The following VTA1 variants were observed in gnomAD, a reference collection of about 807,000 sequenced individuals.
VTA1 encodes the protein vesicle trafficking 1, also known as vacuolar protein sorting-associated protein VTA1 homolog.
In VTA1, 24 loss-of-function variants were observed where a neutral mutation model predicts 36.9. The ratio of observed to expected loss-of-function variants is 0.65; its 90% confidence interval spans 0.47 to 0.91. The LOEUF (loss-of-function observed/expected upper bound fraction) is 0.91, where lower values mean the gene tolerates loss of function less well. Ranked by LOEUF, VTA1 falls within the 40% of genes least tolerant of loss-of-function variation. The probability of loss-of-function intolerance (pLI) is 0.00; values close to 1 mark genes in which losing one functional copy is unlikely to be tolerated. For synonymous variants in VTA1, 142 were observed against 130.2 expected, an observed-to-expected ratio of 1.09 and a Z score of -0.62; for missense variants, 393 against 377.2, an observed-to-expected ratio of 1.04 and a Z score of -0.35.
rs148088789 is a variant in VTA1 at position 142,204,560 on chromosome 6, C to G, written c.778+495C>G. Among the ~76,000 whole-genome samples, 1,126 of 152,174 alleles carry G rather than the reference C, an allele frequency of 7.4e-3. 14 individuals are homozygous for G. Among genetic ancestry groups the G allele is most frequent in the African/African-American group, 0.026 (1,072 of 41,518 alleles). ...AATCTTTACTACTTTTCTGATTTCT[C>G]TGTTTTTTTAGCCCAAATCAGGCAT... is the stretch of plus-strand genomic sequence containing the variant. On this transcript the variant is annotated intron_variant, in intron 7 of 7. Coordinates refer to ENST00000367630, the MANE Select transcript of VTA1 (RefSeq NM_016485.5).
At chr6:142,198,156 TG>T in intron 5 of VTA1, among the ~76,000 whole-genome samples, 1 of 143,824 alleles carries the variant, frequency 7.0e-6, no homozygotes, top group African/African-American at 2.5e-5. Flanking sequence ...TGTGTGTGTG[TG>T]TGTGTGTATA....
intron 5 of VTA1, among the ~76,000 whole-genome samples, chr6:142,190,436 G>GT (rs985306768): frequency 2.7e-4 from 40 of 150,534 alleles, no homozygotes; most frequent in South Asian, 6.3e-4. Context: ...ACCTGGCTAT[G>GT]TTTTTTTTTA....
At chr6:142,172,962 T>C (rs1260106293) in intron 4 of VTA1, among the ~76,000 whole-genome samples, 1 of 149,558 alleles carries the variant, frequency 6.7e-6, no homozygotes, top group Non-Finnish European at 1.5e-5. Context: ...TACAAAACCA[T>C]TTGACAAAAA....
intron 5 of VTA1, among the ~76,000 whole-genome samples, chr6:142,198,161 GTGTATA>G (rs1562266880): frequency 8.8e-5 from 7 of 79,638 alleles, no homozygotes; most frequent in East Asian, 2.4e-4. Flanking sequence ...GTGTGTGTGT[GTGTATA>G]TGTGTGTACA....
intron 1 of VTA1, among the ~76,000 whole-genome samples, chr6:142,147,852 C>G (rs921787271): frequency 6.6e-6 from 1 of 152,184 alleles, no homozygotes; most frequent in Admixed American, 6.5e-5. Context: ...CAAGCCCAAT[C>G]AGAAACTCAT....
chr6:142,150,927 A>T (rs529574830), intron 1 of VTA1, among the ~76,000 whole-genome samples: 23 of 151,986 alleles, frequency 1.5e-4, no homozygotes, highest in Non-Finnish European at 2.6e-4. Context: ...AAAAAAAAAA[A>T]AGCTAAGCAT....
chr6:142,217,247 G>A (rs989779561), intron 7 of VTA1, among the ~76,000 whole-genome samples: 1 of 152,102 alleles, frequency 6.6e-6, no homozygotes, highest in Non-Finnish European at 1.5e-5. Context: ...ACACTAGTAA[G>A]TATATGTGTA....
rs572148441 is a variant in VTA1, at chr6:142,210,537, G to A, written c.778+6472G>A. Among the ~76,000 whole-genome samples the A allele has an allele frequency of 8.4e-4, 128 of 152,260 alleles. 3 individuals carry two copies. The South Asian group carries it at 0.027, about 32-fold the overall frequency. On this transcript the variant is annotated intron_variant, in intron 7 of 7. Coordinates refer to ENST00000367630, the MANE Select transcript of VTA1 (RefSeq NM_016485.5). ...TATTTGCAATCCATCTATCTGACAAGGGATTAATAACCAGAATATATAAGG... is the reference window on the plus strand; with the variant it reads ...TATTTGCAATCCATCTATCTGACAAAGGATTAATAACCAGAATATATAAGG...
intron 1 of VTA1, among the ~76,000 whole-genome samples, chr6:142,157,416 G>A (rs1212990110): frequency 6.6e-6 from 1 of 152,066 alleles, no homozygotes; most frequent in Admixed American, 6.6e-5. Flanking sequence ...CAGAATGTTG[G>A]ACTACTGATT....
At chr6:142,152,514 T>C (rs1204087667) in intron 1 of VTA1, among the ~76,000 whole-genome samples, 1 of 152,114 alleles carries the variant, frequency 6.6e-6, no homozygotes, top group Non-Finnish European at 1.5e-5. Flanking sequence ...ACCCCAATAG[T>C]CTACTCTTCC....
At chr6:142,158,590 A>G (rs921078454) in intron 1 of VTA1, among the ~76,000 whole-genome samples, 7 of 152,298 alleles carry the variant, frequency 4.6e-5, no homozygotes, top group Non-Finnish European at 5.9e-5. Context: ...CATTATAACA[A>G]CCTCTACCTT....
At chr6:142,215,943 C>T (rs1369557938) in intron 7 of VTA1, among the ~76,000 whole-genome samples, 1 of 152,064 alleles carries the variant, frequency 6.6e-6, no homozygotes, top group Non-Finnish European at 1.5e-5. Context: ...TTGTCCTGAC[C>T]TCTGAAGAGG....
intron 6 of VTA1, 73 bp downstream of exon 6, chr6:142,198,688 G>A (rs1248883512): frequency 7.2e-7 from 1 of 1,382,666 alleles, no homozygotes; most frequent in Non-Finnish European, 9.7e-7. Context: ...TATCACATAT[G>A]TGCCTCATAA....
rs970284234 is a variant in VTA1 at position 142,223,762 on chromosome 6, A to T, written c.*5119A>T. ...AATGCCATACTGGATATTATATACGAGTTACAATAATTCTTCCTAAAGTCA... is the reference window on the plus strand; with the variant it reads ...AATGCCATACTGGATATTATATACGTGTTACAATAATTCTTCCTAAAGTCA... On this transcript the variant is annotated 3_prime_UTR_variant, in exon 8 of 8. Transcript: ENST00000367630. The T allele has an allele frequency of 2.6e-5, 4 of 152,120 alleles. No individual in the cohort carries two copies. Among genetic ancestry groups the T allele is most frequent in the African/African-American group, 9.7e-5 (4 of 41,432 alleles). 9.4% of individuals were successfully genotyped at this position (152,120 alleles called of 1,614,324 possible). A position where few individuals can be genotyped will look rare whatever the true frequency, so the allele number is the denominator to read the frequency against.
chr6:142,189,115 C>A lies in VTA1; in HGVS notation c.412-311C>A, dbSNP rs928245087. Among the ~76,000 whole-genome samples the A allele has an allele frequency of 2.6e-5, 4 of 152,086 alleles. No homozygotes were observed. In the South Asian group the frequency reaches 8.3e-4, roughly 32 times the overall value. On this transcript the variant is annotated intron_variant, in intron 4 of 7. Coordinates refer to ENST00000367630, the MANE Select transcript of VTA1 (RefSeq NM_016485.5). ...TAGATTTCTACTTTAGCCTATTTCT[C>A]CCCTGTGCAGAAGAGTTGCAAATTT...
intron 5 of VTA1, among the ~76,000 whole-genome samples, chr6:142,191,085 T>C (rs1018110375): frequency 6.6e-6 from 1 of 152,192 alleles, no homozygotes; most frequent in African/African-American, 2.4e-5. Context: ...CTATATCATT[T>C]AGGATTTTTA....
At chr6:142,199,634 C>T (rs1287909757) in intron 6 of VTA1, among the ~76,000 whole-genome samples, 1 of 152,066 alleles carries the variant, frequency 6.6e-6, no homozygotes, top group Non-Finnish European at 1.5e-5. Flanking sequence ...TCTATTTTGA[C>T]CATTGTAACA....
chr6:142,203,185 T>C (rs1262361169), intron 6 of VTA1, among the ~76,000 whole-genome samples: 2 of 152,008 alleles, frequency 1.3e-5, no homozygotes, highest in Non-Finnish European at 2.9e-5. Context: ...ATTTTAACCT[T>C]TTTCTCTGTT....
intron 7 of VTA1, among the ~76,000 whole-genome samples, chr6:142,205,106 G>A (rs932094773): frequency 5.9e-5 from 9 of 152,132 alleles, no homozygotes; most frequent in Non-Finnish European, 1.0e-4. Context: ...TGTTCTCCCT[G>A]TATGAGTGGG....
Sources: allele counts gnomAD v4.1 joint callset (sites outside exome capture counted in the v4.1 genomes callset), GRCh38; gene constraint gnomAD v4.1.1; transcripts MANE v1.5; gene names NCBI Gene and HGNC (gene_info 2026-07-23, HGNC 2026-07-21).